The following ZEB1 variants were observed in gnomAD, a reference collection of about 807,000 sequenced individuals.
ZEB1 encodes the protein zinc finger E-box-binding homeobox 1.
ZEB1 carries 21 observed loss-of-function variants against 84.9 expected under a neutral mutation model. The ratio of observed to expected loss-of-function variants is 0.25; its 90% CI spans 0.18 to 0.36. The LOEUF is 0.36. ZEB1 is among the 10% of genes least tolerant of loss of function. The pLI is 1.00. For synonymous variants in ZEB1, 420 were observed against 471.1 expected, an observed-to-expected ratio of 0.89 and a Z score of 1.41; for missense variants, 1,104 against 1,330.2, an observed-to-expected ratio of 0.83 and a Z score of 2.65.
intron 1 of ZEB1, among the ~76,000 whole-genome samples, chr10:31,388,712 TC>T (rs2049084322): frequency 6.6e-6 from 1 of 152,062 alleles, no homozygotes; most frequent in South Asian, 2.1e-4. Flanking sequence ...ATAGAGATAA[TC>T]TATATATACG....
intron 1 of ZEB1, among the ~76,000 whole-genome samples, chr10:31,459,950 A>T (rs920100719): frequency 6.6e-6 from 1 of 151,680 alleles, no homozygotes; most frequent in African/African-American, 2.4e-5. Context: ...TGGAAAATTT[A>T]AGGAAGCAGT....
chr10:31,319,446 C>T (rs532256978), intron 1 of ZEB1, 154 bp downstream of exon 1: 64 of 710,938 alleles, frequency 9.0e-5, no homozygotes, highest in Middle Eastern at 3.9e-4. Context: ...TCTCTGCCCC[C>T]CTCCGCTGCC....
chr10:31,353,147 A>T (rs759371878), intron 1 of ZEB1, among the ~76,000 whole-genome samples: 1 of 152,234 alleles, frequency 6.6e-6, no homozygotes, highest in Admixed American at 6.5e-5. Context: ...CAGGATTGAC[A>T]GTTAAGTGAG....
chr10:31,448,368 G>A (rs1212378851), intron 1 of ZEB1, among the ~76,000 whole-genome samples: 28 of 117,448 alleles, frequency 2.4e-4, no homozygotes, highest in Middle Eastern at 4.3e-3. Flanking sequence ...ATGTCCTCCC[G>A]TAGCTCAGAG....
At chr10:31,463,447 T>C (rs2062032572) in intron 2 of ZEB1, among the ~76,000 whole-genome samples, 1 of 152,134 alleles carries the variant, frequency 6.6e-6, no homozygotes, top group Admixed American at 6.5e-5. Flanking sequence ...AGAAGACACT[T>C]TGGTCCTGAA....
At chr10:31,464,049 A>C (rs1202019719) in intron 2 of ZEB1, among the ~76,000 whole-genome samples, 1 of 152,240 alleles carries the variant, frequency 6.6e-6, no homozygotes, top group African/African-American at 2.4e-5. Context: ...AGTGTGTTTT[A>C]AGAATAATCT....
chr10:31,370,600 C>A (rs905064178), intron 1 of ZEB1, among the ~76,000 whole-genome samples: 7 of 152,124 alleles, frequency 4.6e-5, no homozygotes, highest in South Asian at 2.1e-4. Context: ...AACTTTCTTT[C>A]CCTAACTTTA....
intron 1 of ZEB1, among the ~76,000 whole-genome samples, chr10:31,365,687 A>T (rs2044328488): frequency 6.6e-6 from 1 of 152,236 alleles, no homozygotes; most frequent in Admixed American, 6.5e-5. Flanking sequence ...GAATCACTCG[A>T]TTGAGAAGAT....
intron 4 of ZEB1, among the ~76,000 whole-genome samples, chr10:31,509,013 G>T (rs1400125534): frequency 6.6e-6 from 1 of 152,154 alleles, no homozygotes; most frequent in Non-Finnish European, 1.5e-5. Context: ...AATGTGTGCA[G>T]CTCCTCTGCT....
intron 1 of ZEB1, among the ~76,000 whole-genome samples, chr10:31,334,267 C>G (rs776013539): frequency 4.6e-5 from 7 of 152,072 alleles, no homozygotes; most frequent in Non-Finnish European, 8.8e-5. Context: ...TGGTCAAATA[C>G]AGCCAGCTTT....
At chr10:31,451,408 A>G (rs1043223871) in intron 1 of ZEB1, among the ~76,000 whole-genome samples, 2 of 152,086 alleles carry the variant, frequency 1.3e-5, no homozygotes, top group Non-Finnish European at 2.9e-5. Flanking sequence ...TGATATATCA[A>G]TTACATGGCT....
chr10:31,391,055 A>G (rs945231800), intron 1 of ZEB1, among the ~76,000 whole-genome samples: 6 of 152,076 alleles, frequency 3.9e-5, no homozygotes, highest in African/African-American at 1.4e-4. Context: ...GGCTTACATT[A>G]TTATTTATGT....
intron 1 of ZEB1, among the ~76,000 whole-genome samples, chr10:31,401,189 G>A (rs2051917462): frequency 6.6e-6 from 1 of 152,172 alleles, no homozygotes; most frequent in Non-Finnish European, 1.5e-5. Flanking sequence ...TGGGGTTGGA[G>A]TACAGCCCAC....
chr10:31,363,145 T>C, intron 1 of ZEB1: 1 of 1,533,940 alleles, frequency 6.5e-7, no homozygotes, highest in Non-Finnish European at 8.7e-7. Flanking sequence ...TGCAGGATCC[T>C]TGGGCTGCAT....
At chr10:31,501,442 G>GT (rs959684633) in intron 3 of ZEB1, among the ~76,000 whole-genome samples, 4 of 152,170 alleles carry the variant, frequency 2.6e-5, no homozygotes, top group Admixed American at 2.0e-4. Flanking sequence ...GAATAGGCTT[G>GT]TTTTATATGA....
chr10:31,323,214 C>G (rs1430175131), intron 1 of ZEB1, among the ~76,000 whole-genome samples: 1 of 151,842 alleles, frequency 6.6e-6, no homozygotes, highest in Admixed American at 6.6e-5. Flanking sequence ...TAATAATTGA[C>G]CCATATTTAT....
At chr10:31,522,474 A>G (rs955757863) in intron 7 of ZEB1, among the ~76,000 whole-genome samples, 5 of 152,234 alleles carry the variant, frequency 3.3e-5, no homozygotes, top group African/African-American at 7.2e-5. Flanking sequence ...TGAACTGTGC[A>G]TAAACAGTGT....
chr10:31,504,322 G>GT (rs2068588080), intron 4 of ZEB1, among the ~76,000 whole-genome samples: 1 of 147,220 alleles, frequency 6.8e-6, no homozygotes, highest in Non-Finnish European at 1.5e-5. Context: ...CTGTGTGTCT[G>GT]TTTTTTACTA....
chr10:31,524,200 TTC>T, intron 8 of ZEB1, 87 bp downstream of exon 8: 2 of 1,421,210 alleles, frequency 1.4e-6, no homozygotes, highest in Non-Finnish European at 1.9e-6. Flanking sequence ...AGAATTTTCT[TTC>T]TTTTTTTTTT....
Sources: gnomAD v4.1 joint callset for allele counts (sites outside exome capture counted in the v4.1 genomes callset) on GRCh38, gnomAD v4.1.1 for gene constraint, MANE v1.5 for transcripts, NCBI Gene and HGNC (gene_info 2026-07-23, HGNC 2026-07-21) for gene names.